PLEKHA6: variants seen among roughly 807,000 people sequenced by gnomAD.
PLEKHA6 encodes the protein pleckstrin homology domain containing A6, also known as pleckstrin homology domain-containing family A member 6.
A neutral mutation model predicts 116.7 loss-of-function variants in PLEKHA6; 60 were observed. The ratio of observed to expected loss-of-function variants is 0.51; its 90% CI spans 0.42 to 0.64. The LOEUF is 0.64. Among genes scored for constraint, PLEKHA6 ranks in the 30% least tolerant of loss-of-function variants. PLEKHA6 has a pLI of 0.00. For missense variants in PLEKHA6, 1,338 were observed against 1,422.7 expected (o/e 0.94, Z 0.96); for synonymous variants, 489 against 556.1 (o/e 0.88, Z 1.70).
At chr1:204,254,293 C>T (rs1664975804) in intron 9 of PLEKHA6, among the ~76,000 whole-genome samples, 1 of 152,212 alleles carries the variant, frequency 6.6e-6, no homozygotes, top group African/African-American at 2.4e-5. Flanking sequence ...AGGAGCCATC[C>T]CTGTTTATTG....
chr1:204,298,333 C>A (rs1670487460), intron 1 of PLEKHA6, among the ~76,000 whole-genome samples: 1 of 152,166 alleles, frequency 6.6e-6, no homozygotes, highest in Non-Finnish European at 1.5e-5. Context: ...ATGAGCTTTC[C>A]AACAGTGAGA....
intron 17 of PLEKHA6, among the ~76,000 whole-genome samples, chr1:204,235,820 C>T (rs772384600): frequency 1.1e-4 from 17 of 152,200 alleles, no homozygotes; most frequent in Admixed American, 2.0e-4. Flanking sequence ...CCCTCCCCGA[C>T]CCATGCTGCC....
At chr1:204,268,094 G>A in intron 4 of PLEKHA6, 114 bp downstream of exon 4, 1 of 581,844 alleles carries the variant, frequency 1.7e-6, no homozygotes, top group Admixed American at 3.4e-5. Flanking sequence ...CATTCACAGA[G>A]ACAGCAGGGG....
chr1:204,299,473 G>C (rs1489364381), intron 1 of PLEKHA6: 1 of 175,390 alleles, frequency 5.7e-6, no homozygotes, highest in Non-Finnish European at 1.1e-5. Flanking sequence ...ATATAGGTGA[G>C]CTAAGGTCCA....
At chr1:204,268,137 G>T in intron 4 of PLEKHA6, 71 bp downstream of exon 4, 1 of 967,126 alleles carries the variant, frequency 1.0e-6, no homozygotes, top group African/African-American at 1.6e-5. Context: ...CCTGTCATAA[G>T]CACAGAGGAA....
chr1:204,230,671 T>C, intron 17 of PLEKHA6, 85 bp from the exon 18 acceptor site: 1 of 1,206,780 alleles, frequency 8.3e-7, no homozygotes, highest in Non-Finnish European at 1.1e-6. Flanking sequence ...ATTTACCTTC[T>C]ACGGGAAGTC....
At chr1:204,305,210 C>CCCTTCCCTAT (rs981526383) in intron 1 of PLEKHA6, among the ~76,000 whole-genome samples, 6 of 152,166 alleles carry the variant, frequency 3.9e-5, no homozygotes, top group Non-Finnish European at 7.4e-5. Flanking sequence ...GAGCAGTTTT[C>CCCTTCCCTAT]CACTCTGCCT....
chr1:204,320,924 C>T (rs1672039477), intron 1 of PLEKHA6, among the ~76,000 whole-genome samples: 1 of 152,192 alleles, frequency 6.6e-6, no homozygotes, highest in Admixed American at 6.5e-5. Context: ...CTGGTACATG[C>T]CAGGCAGCCC....
chr1:204,251,971 T>C (rs1011906532), intron 9 of PLEKHA6, among the ~76,000 whole-genome samples: 9 of 151,990 alleles, frequency 5.9e-5, no homozygotes, highest in Non-Finnish European at 1.3e-4. Flanking sequence ...ACAAAGACCA[T>C]AGAGGCAGTT....
chr1:204,261,365 C>G lies in PLEKHA6; in HGVS notation c.465G>C (p.Glu155Asp). ...CTGGAGGGATCTGTACTCGAGCAGC[C>G]TCCCCCATGGCCTGGATCCAGGCCT... ...EQEAWIQAMG[E>D]AARVQIPPAQ... Residue 155 changes from glutamate (E) to aspartate (D), a missense_variant, in exon 7 of 23, where the codon GAG becomes GAC. By Grantham distance (45) the Glu-to-Asp change is conservative (BLOSUM62 2). Coordinates refer to ENST00000272203, the MANE Select transcript of PLEKHA6 (RefSeq NM_014935.5). This position sits in a 1 kb window ranked among gnomAD's most constrained non-coding sequence, Gnocchi z 4.0. The G allele has an allele frequency of 6.2e-7, 1 of 1,614,192 alleles. No homozygotes were observed. The highest frequency in any genetic ancestry group is 8.5e-7 in the Non-Finnish European group (1 of 1,180,024).
At chr1:204,246,795 G>A (rs1005231648) in intron 13 of PLEKHA6, among the ~76,000 whole-genome samples, 4 of 152,186 alleles carry the variant, frequency 2.6e-5, no homozygotes, top group Admixed American at 6.5e-5. Flanking sequence ...GATTGCTCCC[G>A]CAGCGCCTAC....
chr1:204,311,517 C>T (rs1671658166), intron 1 of PLEKHA6: 1 of 637,406 alleles, frequency 1.6e-6, no homozygotes, highest in Non-Finnish European at 2.0e-6. Context: ...TATTCTGCTT[C>T]TACTCATTGT....
chr1:204,376,236 C>G (rs373165402), intron 1 of PLEKHA6, among the ~76,000 whole-genome samples: 1 of 152,216 alleles, frequency 6.6e-6, no homozygotes, highest in Non-Finnish European at 1.5e-5. Context: ...GAGAATGAAC[C>G]ACTTCATCAG....
intron 1 of PLEKHA6, among the ~76,000 whole-genome samples, chr1:204,314,507 C>T (rs542834167): frequency 2.2e-4 from 34 of 152,316 alleles, no homozygotes; most frequent in African/African-American, 7.2e-4. Flanking sequence ...TAACTGGCCA[C>T]CACTCCCCCT....
intron 21 of PLEKHA6, among the ~76,000 whole-genome samples, chr1:204,224,122 C>T (rs985043388): frequency 3.3e-5 from 5 of 152,062 alleles, no homozygotes; most frequent in Admixed American, 1.3e-4. Flanking sequence ...GTCAAGGGCT[C>T]GGAAACATGT....
At chr1:204,265,279 G>A (rs1210815758) in intron 5 of PLEKHA6, among the ~76,000 whole-genome samples, 1 of 152,186 alleles carries the variant, frequency 6.6e-6, no homozygotes, top group Admixed American at 6.5e-5. Flanking sequence ...CTACAGAGGT[G>A]AGTAAGAGAG....
chr1:204,326,939 C>T, intron 1 of PLEKHA6: 1 of 981,760 alleles, frequency 1.0e-6, no homozygotes, highest in Non-Finnish European at 1.2e-6. Flanking sequence ...CCTGGGGCCT[C>T]CGCACTTAGG....
At chr1:204,329,512 C>T (rs1036147178) in intron 1 of PLEKHA6, among the ~76,000 whole-genome samples, 1 of 152,128 alleles carries the variant, frequency 6.6e-6, no homozygotes, top group Non-Finnish European at 1.5e-5. Context: ...TGGAGCTAGG[C>T]AAAGATCATC....
chr1:204,262,231 G>A (rs1303843740), intron 6 of PLEKHA6: 1 of 152,392 alleles, frequency 6.6e-6, no homozygotes, highest in Non-Finnish European at 1.5e-5. Flanking sequence ...GGAGTGGAGA[G>A]CTTGCACCAG....
Sources: allele counts gnomAD v4.1 joint callset (sites outside exome capture counted in the v4.1 genomes callset), GRCh38; gene constraint gnomAD v4.1.1; non-coding constraint Gnocchi (gnomAD v3.1); transcripts MANE v1.5; gene names NCBI Gene and HGNC (gene_info 2026-07-23, HGNC 2026-07-21).